Variants in SYN3 observed in about 807,000 individuals in gnomAD.
The protein encoded by SYN3 is synapsin III.
SYN3 carries 35 observed loss-of-function variants against 65.8 expected under a neutral mutation model. The observed-to-expected ratio is 0.53, with a 90% CI of 0.41 to 0.70. SYN3 has a LOEUF of 0.70. SYN3 is among the 30% of genes least tolerant of loss of function. SYN3 has a pLI of 0.00. For synonymous variants in SYN3, 270 were observed against 292.9 expected, an observed-to-expected ratio of 0.92 and a Z score of 0.80; for missense variants, 680 against 749.0, an observed-to-expected ratio of 0.91 and a Z score of 1.08.
chr22:32,891,182 C>T (rs2049435324), intron 4 of SYN3, among the ~76,000 whole-genome samples: 1 of 152,178 alleles, frequency 6.6e-6, no homozygotes, highest in African/African-American at 2.4e-5. Flanking sequence ...TGAATCCCAG[C>T]TATGGCAGAG....
At chr22:32,715,901 T>C (rs1004017655) in intron 6 of SYN3, among the ~76,000 whole-genome samples, 1 of 151,892 alleles carries the variant, frequency 6.6e-6, no homozygotes, top group African/African-American at 2.4e-5. Context: ...ACAACAGCTG[T>C]GCTGGAACCA....
intron 6 of SYN3, among the ~76,000 whole-genome samples, chr22:32,840,559 A>C (rs1324914603): frequency 6.6e-6 from 1 of 150,488 alleles, no homozygotes; most frequent in African/African-American, 2.4e-5. Context: ...ATCTTCCTGG[A>C]AAGGCGGGAG....
intron 3 of SYN3, among the ~76,000 whole-genome samples, chr22:32,945,930 C>G (rs2051094782): frequency 6.6e-6 from 1 of 152,154 alleles, no homozygotes; most frequent in Non-Finnish European, 1.5e-5. Context: ...AGCCAACAGA[C>G]ACATGAAAAA....
chr22:32,750,714 G>T (rs182743064), intron 6 of SYN3, among the ~76,000 whole-genome samples: 5 of 152,294 alleles, frequency 3.3e-5, no homozygotes, highest in Admixed American at 6.5e-5. Context: ...AGAGATGGTT[G>T]GATTCTGGAG....
chr22:32,671,538 C>T (rs2060364233), intron 6 of SYN3, among the ~76,000 whole-genome samples: 1 of 151,274 alleles, frequency 6.6e-6, no homozygotes, highest in African/African-American at 2.4e-5. Context: ...TACACACGCT[C>T]TCACGCAGGT....
At chr22:32,870,418 AC>A (rs2146355047) in intron 4 of SYN3, among the ~76,000 whole-genome samples, 1 of 152,304 alleles carries the variant, frequency 6.6e-6, no homozygotes, top group Admixed American at 6.5e-5. Flanking sequence ...TAATTTCTAC[AC>A]AATAGTTCAC....
intron 7 of SYN3, among the ~76,000 whole-genome samples, chr22:32,591,996 T>C (rs1395971059): frequency 6.6e-6 from 1 of 152,196 alleles, no homozygotes; most frequent in Admixed American, 6.5e-5. Context: ...GTTATTCTAC[T>C]TCATAGTGGC....
At chr22:32,983,549 T>C (rs1426718594) in intron 2 of SYN3, among the ~76,000 whole-genome samples, 1 of 152,208 alleles carries the variant, frequency 6.6e-6, no homozygotes, top group Non-Finnish European at 1.5e-5. Flanking sequence ...CTGATGGGCT[T>C]AGATGTCAAC....
rs143556929 is a variant in SYN3 at position 32,847,039 on chromosome 22, G to T, written c.711+17876C>A. Among the ~76,000 whole-genome samples the T allele has an allele frequency of 6.0e-3, 914 of 152,296 alleles. 12 individuals carry two copies. The highest frequency in any genetic ancestry group is 0.02 in the African/African-American group (812 of 41,550). On this transcript the variant is annotated intron_variant, in intron 6 of 13. Coordinates refer to ENST00000358763, the MANE Select transcript of SYN3 (RefSeq NM_003490.4). ...TCAAGTCAAGCCATTTTTGAACCAG[G>T]ATGTTGCTATTTAAAGGAATCCCTT...
chr22:32,807,424 T>A (rs1283816947), intron 6 of SYN3, among the ~76,000 whole-genome samples: 4 of 96,552 alleles, frequency 4.1e-5, no homozygotes, highest in South Asian at 2.5e-4. Flanking sequence ...ACATATATAT[T>A]ATATATATAA....
intron 6 of SYN3, among the ~76,000 whole-genome samples, chr22:32,814,339 G>GAAAGGA (rs369652077): frequency 0.11 from 1,140 of 10,284 alleles, 22 homozygotes; most frequent in African/African-American, 0.22. Context: ...AAGAAAGAAA[G>GAAAGGA]AGAAAGAAAG....
chr22:32,890,541 T>C (rs2146471363), intron 4 of SYN3, among the ~76,000 whole-genome samples: 1 of 152,146 alleles, frequency 6.6e-6, no homozygotes, highest in Non-Finnish European at 1.5e-5. Flanking sequence ...CCACCACGCC[T>C]GGCTAAGTTT....
intron 9 of SYN3, among the ~76,000 whole-genome samples, chr22:32,535,794 C>T (rs1343517423): frequency 1.3e-5 from 2 of 151,856 alleles, no homozygotes; most frequent in African/African-American, 4.9e-5. Flanking sequence ...GGGGGGGGCC[C>T]TGCTCCCCTC....
intron 6 of SYN3, among the ~76,000 whole-genome samples, chr22:32,780,068 C>CAAAAAAAAAAGAAA (rs2045998363): frequency 1.4e-5 from 1 of 72,598 alleles, no homozygotes; most frequent in Non-Finnish European, 2.4e-5. Flanking sequence ...GATTCTGTCT[C>CAAAAAAAAAAGAAA]AAAAAAAAAA....
chr22:32,733,943 C>G (rs1357849634), intron 6 of SYN3, among the ~76,000 whole-genome samples: 1 of 122,866 alleles, frequency 8.1e-6, no homozygotes, highest in African/African-American at 3.3e-5. Context: ...AAACCAAGGA[C>G]TGACAATTAT....
At chr22:32,859,703 C>CTACT in intron 6 of SYN3, 1 of 329,560 alleles carries the variant, frequency 3.0e-6, no homozygotes, top group Non-Finnish European at 5.6e-6. Context: ...AAATGAAAAA[C>CTACT]TACTCCATTT....
At chr22:33,043,055 C>T (rs2053992872) in intron 1 of SYN3, among the ~76,000 whole-genome samples, 1 of 152,160 alleles carries the variant, frequency 6.6e-6, no homozygotes, top group South Asian at 2.1e-4. Context: ...CAAGGACTAA[C>T]ATCAAAAAGA....
intron 7 of SYN3, among the ~76,000 whole-genome samples, chr22:32,564,727 C>A (rs2058637499): frequency 1.3e-5 from 2 of 150,862 alleles, no homozygotes; most frequent in African/African-American, 4.9e-5. Context: ...CCGGACTGCA[C>A]CCAAACAGTG....
At position 33,050,479 on chromosome 22, in the gene SYN3, CAAAA is replaced by C. The variant is rs58653594; in HGVS notation, c.-163+7809_-163+7812del. Among the ~76,000 whole-genome samples the C allele has an allele frequency of 4.0e-3, 431 of 108,522 alleles. 1 individual carries two copies. Among genetic ancestry groups the C allele is most frequent in the Middle Eastern group, 0.017 (4 of 230 alleles). The allele number at this position is 108,522 out of a possible 152,430, so 71.2% of individuals were successfully genotyped here. The stretch of plus-strand genomic sequence containing the variant: ...CCTGGGTGACAGAGCGAGACTGTTT[CAAAA>C]AAAAAAAAAAAAAAAACAAAACAAA... On this transcript the variant is annotated intron_variant, in intron 1 of 13. Coordinates refer to ENST00000358763, the MANE Select transcript of SYN3 (RefSeq NM_003490.4).
Sources: gnomAD v4.1 joint callset for allele counts (sites outside exome capture counted in the v4.1 genomes callset) on GRCh38, gnomAD v4.1.1 for gene constraint, MANE v1.5 for transcripts, NCBI Gene and HGNC (gene_info 2026-07-23, HGNC 2026-07-21) for gene names.